The following C8A variants were observed in gnomAD, a reference collection of about 807,000 sequenced individuals.
The protein encoded by C8A is complement component C8 alpha chain.
In C8A, 67 loss-of-function variants were observed where a neutral mutation model predicts 65.3. The observed-to-expected ratio is 1.03, with a 90% CI of 0.84 to 1.26. The LOEUF is 1.26. C8A is among the 50% of genes most tolerant of loss of function. The pLI is 0.00. For synonymous variants in C8A, 290 were observed against 259.4 expected (o/e 1.12, Z -1.13); for missense variants, 781 against 723.9 (o/e 1.08, Z -0.90).
chr1:56,898,115 G>A (rs140688466), intron 7 of C8A, among the ~76,000 whole-genome samples: 171 of 152,262 alleles, frequency 1.1e-3, no homozygotes, highest in African/African-American at 4.0e-3. Flanking sequence ...CAGCAAGTAG[G>A]TAAGGATGAG....
In C8A at chr1:56,897,525, G is replaced by A. The variant is rs370729720; in HGVS notation, c.1097-9142G>A. On this transcript the variant is annotated intron_variant, in intron 7 of 10. Coordinates refer to ENST00000361249, the MANE Select transcript of C8A (RefSeq NM_000562.3). ...ATGTCTGCCAGAGGCTGGGGACTGA[G>A]GGCAACAGGGCTCTTGGGCTGTGTA... is the stretch of plus-strand genomic sequence containing the variant. Among the ~76,000 whole-genome samples, 8 of 152,202 alleles carry A rather than the reference G, an allele frequency of 5.3e-5. No individual in the cohort carries two copies. The East Asian group carries it at 5.8e-4, about 11-fold the overall frequency.
chr1:56,891,374 GTCTTACTGGC>G (rs1158275317), intron 7 of C8A, among the ~76,000 whole-genome samples: 1 of 151,650 alleles, frequency 6.6e-6, no homozygotes, highest in Non-Finnish European at 1.5e-5. Context: ...GTGTCAGAGG[GTCTTACTGGC>G]CGTAGTAAGA....
chr1:56,895,879 G>T (rs1202920696), intron 7 of C8A, among the ~76,000 whole-genome samples: 3 of 152,124 alleles, frequency 2.0e-5, no homozygotes, highest in Non-Finnish European at 4.4e-5. Flanking sequence ...AGCCTGGGAG[G>T]TCGAGGTTGC....
At position 56,883,616 on chromosome 1, in the gene C8A, G is replaced by A. The variant is rs1207836776; in HGVS notation, c.790G>A (p.Gly264Ser). 1 of 1,613,670 alleles carries A rather than the reference G, an allele frequency of 6.2e-7. No individual in the cohort carries two copies. Among genetic ancestry groups the A allele is most frequent in the African/African-American group, 1.3e-5 (1 of 74,892 alleles). The change falls in exon 6 of 11, where the codon GGT becomes AGT. Residue 264 changes from glycine to serine, a missense_variant. Gly to Ser is a moderately conservative substitution (Grantham distance 56). Coordinates refer to ENST00000361249, the MANE Select transcript of C8A (RefSeq NM_000562.3). ...CCCAGCCGGCAGCCCTTTATTGGTGGGTGTAGGTGTATCCCACTCACAAGA... is the reference window on the plus strand; with the variant it reads ...CCCAGCCGGCAGCCCTTTATTGGTGAGTGTAGGTGTATCCCACTCACAAGA... Reference protein sequence around the residue: ...IGPAGSPLLVGVGVSHSQDTS... With the variant: ...IGPAGSPLLVSVGVSHSQDTS...
At chr1:56,857,795 T>A (rs1349206782) in intron 1 of C8A, among the ~76,000 whole-genome samples, 1 of 152,022 alleles carries the variant, frequency 6.6e-6, no homozygotes, top group Non-Finnish European at 1.5e-5. Context: ...TTCATCAAAT[T>A]TGAAAATTTT....
intron 7 of C8A, among the ~76,000 whole-genome samples, chr1:56,898,973 T>TTTTA (rs1011520770): frequency 1.4e-4 from 22 of 152,176 alleles, no homozygotes; most frequent in Admixed American, 1.2e-3. Flanking sequence ...CAGCAGGTCT[T>TTTTA]TTTATTTATT....
At chr1:56,887,266 G>A (rs1308074928) in intron 7 of C8A, among the ~76,000 whole-genome samples, 1 of 152,150 alleles carries the variant, frequency 6.6e-6, no homozygotes, top group Admixed American at 6.6e-5. Flanking sequence ...CTAGATCCTT[G>A]AGGAATTGAC....
At position 56,883,468 on chromosome 1, in the gene C8A, T is replaced by G. The variant is rs772831349; in HGVS notation, c.655-13T>G. The G allele has an allele frequency of 2.2e-6, 3 of 1,375,136 alleles. No individual in the cohort carries two copies. The highest frequency in any genetic ancestry group is 2.5e-5 in the South Asian group (2 of 78,956). 85.2% of individuals were successfully genotyped at this position (1,375,136 alleles called of 1,614,324 possible). A position where few individuals can be genotyped will look rare whatever the true frequency, so the allele number is the denominator to read the frequency against. On this transcript the variant is annotated splice_polypyrimidine_tract_variant and intron_variant, in intron 5 of 10. Coordinates refer to ENST00000361249, the MANE Select transcript of C8A (RefSeq NM_000562.3). The stretch of plus-strand genomic sequence containing the variant: ...ATGTGCACAAAGCTAATATCTATCC[T>G]TTTTTTTTTCAGGCCCTGGCAGATA...
chr1:56,869,087 G>A (rs185197966), intron 2 of C8A, among the ~76,000 whole-genome samples: 41 of 152,064 alleles, frequency 2.7e-4, no homozygotes, highest in African/African-American at 5.3e-4. Context: ...AAGTTCTTTC[G>A]TGGTGATTTC....
chr1:56,871,761 G>A (rs1644148925), intron 2 of C8A, among the ~76,000 whole-genome samples: 1 of 152,204 alleles, frequency 6.6e-6, no homozygotes, highest in South Asian at 2.1e-4. Context: ...CCATTATCAA[G>A]TTGGTAGGTA....
rs77583160 is a variant in C8A, at chr1:56,911,556, C to G, written c.1381-847C>G. Among the ~76,000 whole-genome samples, 400 of 152,284 alleles carry G rather than the reference C, an allele frequency of 2.6e-3. 1 individual carries two copies. Among genetic ancestry groups the G allele is most frequent in the African/African-American group, 9.4e-3 (390 of 41,556 alleles). On this transcript the variant is annotated intron_variant, in intron 9 of 10. Coordinates refer to ENST00000361249, the MANE Select transcript of C8A (RefSeq NM_000562.3). ...ATATTTGGCAATGTCAGGAGACAGT[C>G]TTGGTTTTCACAACTGGAAGGGGGC...
intron 2 of C8A, among the ~76,000 whole-genome samples, chr1:56,869,523 T>C (rs1415437888): frequency 2.0e-5 from 3 of 152,176 alleles, no homozygotes; most frequent in Non-Finnish European, 4.4e-5. Context: ...TTTTTCCGCT[T>C]AGGTAGATAC....
intron 7 of C8A, 104 bp from the exon 8 acceptor site, chr1:56,906,563 G>A: frequency 1.4e-6 from 2 of 1,381,582 alleles, no homozygotes; most frequent in Non-Finnish European, 2.1e-6. Flanking sequence ...AGGCCTTTTG[G>A]ACTCCAAAGC....
chr1:56,885,815 G>A (rs856847), intron 6 of C8A, 112 bp from the exon 7 acceptor site: 14 of 1,444,578 alleles, frequency 9.7e-6, no homozygotes, highest in Non-Finnish European at 1.3e-5. Context: ...CTCCCAAAAT[G>A]CTGGGATTAC....
At chr1:56,900,056 G>A (rs59755908) in intron 7 of C8A, among the ~76,000 whole-genome samples, 6,760 of 152,216 alleles carry the variant, frequency 0.044, 327 homozygotes, top group South Asian at 0.13. Flanking sequence ...TTATCAAGTA[G>A]GAGGAAGACA....
At position 56,875,202 on chromosome 1, in the gene C8A, G is replaced by T. The variant is rs1005023901; in HGVS notation, c.316+109G>T. ...ATACTCCTGAGCCCTTCCTCTCGAG[G>T]TTGCCATTCTCTAGGTTTGGGATGG... On this transcript the variant is annotated intron_variant, in intron 3 of 10. Transcript: ENST00000361249. 20 of 1,326,698 alleles carry T rather than the reference G, an allele frequency of 1.5e-5. No homozygotes were observed. The African/African-American group carries it at 2.3e-4, about 15-fold the overall frequency. 82.2% of individuals were successfully genotyped at this position (1,326,698 alleles called of 1,614,324 possible). A position where few individuals can be genotyped will look rare whatever the true frequency, so the allele number is the denominator to read the frequency against.
chr1:56,897,500 A>T (rs904299760), intron 7 of C8A, among the ~76,000 whole-genome samples: 4 of 152,210 alleles, frequency 2.6e-5, no homozygotes, highest in Non-Finnish European at 5.9e-5. Context: ...TCGATTAGTG[A>T]TGTCTGCCAG....
intron 7 of C8A, among the ~76,000 whole-genome samples, chr1:56,895,458 A>G (rs1644380987): frequency 6.6e-6 from 1 of 152,194 alleles, no homozygotes; most frequent in Non-Finnish European, 1.5e-5. Flanking sequence ...CAAACTCAAG[A>G]ACCTGTAATG....
intron 2 of C8A, among the ~76,000 whole-genome samples, chr1:56,870,458 T>C (rs1644133979): frequency 6.6e-6 from 1 of 152,152 alleles, no homozygotes; most frequent in South Asian, 2.1e-4. Flanking sequence ...TCTTCTCCTC[T>C]GTGTATCTGC....
Sources: gnomAD v4.1 joint callset for allele counts (sites outside exome capture counted in the v4.1 genomes callset) on GRCh38, gnomAD v4.1.1 for gene constraint, MANE v1.5 for transcripts, NCBI Gene and HGNC (gene_info 2026-07-23, HGNC 2026-07-21) for gene names.